Variants in LAMA1 observed in about 807,000 individuals in gnomAD.
LAMA1 encodes laminin subunit alpha 1, also known as laminin subunit alpha-1.
In LAMA1, 219 loss-of-function variants were observed where a neutral mutation model predicts 348.7. The ratio of observed to expected loss-of-function variants is 0.63; its 90% CI spans 0.56 to 0.70. The LOEUF is 0.70. Among genes scored for constraint, LAMA1 ranks in the 30% least tolerant of loss-of-function variants. The pLI is 0.00. For missense variants in LAMA1, 3,744 were observed against 3,888.0 expected (o/e 0.96, Z 0.99); for synonymous variants, 1,487 against 1,491.0 (o/e 1.00, Z 0.06).
intron 1 of LAMA1, among the ~76,000 whole-genome samples, chr18:7,096,000 G>A (rs576604461): frequency 1.3e-5 from 2 of 152,362 alleles, no homozygotes; most frequent in African/African-American, 4.8e-5. Flanking sequence ...CCTAGGAGGC[G>A]GAGGTTGCAG....
chr18:7,087,456 T>C (rs1335074643), intron 1 of LAMA1, among the ~76,000 whole-genome samples: 1 of 152,178 alleles, frequency 6.6e-6, no homozygotes, highest in Admixed American at 6.5e-5. Flanking sequence ...ATGGCTTTGC[T>C]TCCAGCCGAT....
At chr18:6,957,585 G>C (rs1016681379) in intron 55 of LAMA1, among the ~76,000 whole-genome samples, 7 of 152,162 alleles carry the variant, frequency 4.6e-5, no homozygotes, top group South Asian at 2.1e-4. Flanking sequence ...AGCCAGGAGG[G>C]AGCTTCAATT....
chr18:7,093,212 C>T (rs528274777), intron 1 of LAMA1, among the ~76,000 whole-genome samples: 1 of 152,254 alleles, frequency 6.6e-6, no homozygotes, highest in East Asian at 1.9e-4. Context: ...GTCAGGATAT[C>T]AAGACCATCC....
intron 3 of LAMA1, among the ~76,000 whole-genome samples, chr18:7,055,068 C>A (rs9959843): frequency 0.32 from 47,766 of 151,560 alleles, 10,791 homozygotes; most frequent in African/African-American, 0.65. Flanking sequence ...TTTTGACTGC[C>A]TTGGGAGTTG....
At chr18:6,977,589 G>A in intron 44 of LAMA1, 138 bp downstream of exon 44, 2 of 902,314 alleles carry the variant, frequency 2.2e-6, no homozygotes, top group Non-Finnish European at 3.3e-6. Flanking sequence ...GGGCTATGAG[G>A]AAGCCCAGAT....
intron 25 of LAMA1, 119 bp from the exon 26 acceptor site, chr18:7,010,504 G>A: frequency 1.1e-6 from 1 of 948,684 alleles, no homozygotes; most frequent in East Asian, 2.6e-5. Flanking sequence ...TCACATGGGT[G>A]AAATTTGTTG....
At chr18:7,045,844 C>T (rs1218860656) in intron 6 of LAMA1, among the ~76,000 whole-genome samples, 2 of 152,054 alleles carry the variant, frequency 1.3e-5, no homozygotes, top group African/African-American at 2.4e-5. Flanking sequence ...CAGGTGTAAG[C>T]CACCATGCCC....
intron 1 of LAMA1, among the ~76,000 whole-genome samples, chr18:7,084,402 G>T (rs1391614030): frequency 1.3e-5 from 2 of 152,124 alleles, no homozygotes; most frequent in African/African-American, 4.8e-5. Flanking sequence ...GGTAGAACGA[G>T]GACTGTAGCT....
Position 7,043,312 on chromosome 18 carries a change from C to A in LAMA1, c.1070G>T (p.Gly357Val). Residue 357 changes from glycine to valine, a missense_variant, in exon 8 of 63, where the codon GGA becomes GTA. Around this residue, in one of 3 missense-constraint regions of LAMA1, gnomAD observed 1,529 missense variants for 1,689.4 expected, o/e 0.91. Transcript: ENST00000389658. ...KSLNTAGQFR[G>V]GGVCINCLQN... ...CAAGCAATTTATGCAAACCCCTCCT[C>A]CTCTGAACTGTCCAGCAGTATTCAA... The A allele has an allele frequency of 6.2e-7, 1 of 1,614,144 alleles. No homozygotes were observed. The highest frequency in any genetic ancestry group is 2.2e-5 in the East Asian group (1 of 44,864).
At chr18:7,034,817 A>C (rs545745663) in intron 13 of LAMA1, 127 bp from the exon 14 acceptor site, 248 of 771,248 alleles carry the variant, frequency 3.2e-4, no homozygotes, top group Non-Finnish European at 5.0e-4. Context: ...GCAAACGTGT[A>C]ATGGTGTGTA....
At chr18:6,963,109 A>G (rs554926300) in intron 51 of LAMA1, among the ~76,000 whole-genome samples, 85 of 151,970 alleles carry the variant, frequency 5.6e-4, no homozygotes, top group Middle Eastern at 3.4e-3. Context: ...ACCATTAAGC[A>G]ACTATATGAT....
rs745905632 is a variant in LAMA1 at position 6,983,147 on chromosome 18, C to A, written c.5748G>T (p.Ser1916=). 5.0e-6 allele frequency: 8 copies of A among 1,613,974 alleles called. No individual in the cohort carries two copies. The African/African-American group carries it at 9.3e-5, about 19-fold the overall frequency. Residue 1916 remains serine, a synonymous_variant, in exon 40 of 63, where the codon TCG becomes TCT. Coordinates refer to ENST00000389658, the MANE Select transcript of LAMA1 (RefSeq NM_005559.4). ...TGTGAGCATCTCTGGCCAGTTCCTC[C>A]GATTCTTCAATCAGGCTCTGGATGT... ...HYNIQSLIEE[S]EELARDAHRT...
chr18:7,031,269 A>G (rs1285411295), intron 16 of LAMA1, among the ~76,000 whole-genome samples: 2 of 152,174 alleles, frequency 1.3e-5, no homozygotes, highest in African/African-American at 2.4e-5. Flanking sequence ...CAAACCCATG[A>G]GACCCCAGAG....
intron 51 of LAMA1, 115 bp downstream of exon 51, chr18:6,964,547 A>G: frequency 7.8e-7 from 1 of 1,287,940 alleles, no homozygotes; most frequent in South Asian, 1.2e-5. Context: ...TAGAACTGGG[A>G]AAGAATAAAT....
Position 6,979,980 on chromosome 18 carries a change from C to T in LAMA1, c.6007+541G>A, listed in dbSNP as rs141018801. Among the ~76,000 whole-genome samples the T allele has an allele frequency of 5.6e-3, 854 of 152,254 alleles. 6 individuals carry two copies. The highest frequency in any genetic ancestry group is 0.02 in the African/African-American group (825 of 41,538). Reference sequence around the variant, plus strand: ...CTGCTCTAATCATGTAGACTTATTGCGGCCTGGCTTCTCTGTTACAATAAA... The same window carrying T: ...CTGCTCTAATCATGTAGACTTATTGTGGCCTGGCTTCTCTGTTACAATAAA... On this transcript the variant is annotated intron_variant, in intron 42 of 62. Transcript: ENST00000389658.
chr18:7,064,962 G>A (rs185536171), intron 3 of LAMA1, among the ~76,000 whole-genome samples: 42 of 152,212 alleles, frequency 2.8e-4, no homozygotes, highest in Admixed American at 1.8e-3. Context: ...AAGGCCGGGC[G>A]CAGTGGCTCA....
intron 7 of LAMA1, among the ~76,000 whole-genome samples, chr18:7,044,515 G>C (rs1213663084): frequency 6.6e-6 from 1 of 152,092 alleles, no homozygotes; most frequent in African/African-American, 2.4e-5. Flanking sequence ...TATACGGGAA[G>C]GGGGACTCAT....
At chr18:7,076,273 T>A (rs2058168021) in intron 3 of LAMA1, among the ~76,000 whole-genome samples, 1 of 152,046 alleles carries the variant, frequency 6.6e-6, no homozygotes, top group African/African-American at 2.4e-5. Context: ...GGAAGTAACA[T>A]TACAAGGAAG....
At chr18:6,985,911 A>T (rs901758713) in intron 37 of LAMA1, among the ~76,000 whole-genome samples, 2 of 152,120 alleles carry the variant, frequency 1.3e-5, no homozygotes, top group Admixed American at 6.5e-5. Context: ...GGCGCATGCC[A>T]CCACGCCCAG....
Sources: gnomAD v4.1 joint callset for allele counts (sites outside exome capture counted in the v4.1 genomes callset) on GRCh38, gnomAD v4.1.1 for gene constraint, gnomAD v4.1.1 regional missense constraint, MANE v1.5 for transcripts, NCBI Gene and HGNC (gene_info 2026-07-23, HGNC 2026-07-21) for gene names.